Variants in LARP1B observed in about 807,000 individuals in gnomAD.
LARP1B encodes la-related protein 1B.
LARP1B carries 76 observed loss-of-function variants against 114.2 expected under a neutral mutation model. The observed-to-expected ratio is 0.67, with a 90% CI of 0.55 to 0.81. The LOEUF is 0.81. LARP1B is among the 30% of genes least tolerant of loss of function. The pLI, the probability that LARP1B is intolerant of heterozygous loss-of-function variation, is 0.00. For synonymous variants in LARP1B, 345 were observed against 348.0 expected, an observed-to-expected ratio of 0.99 and a Z score of 0.10; for missense variants, 1,014 against 1,075.8, an observed-to-expected ratio of 0.94 and a Z score of 0.80.
At chr4:128,073,591 T>TTGTTTTTTTTTTTTTTTTTTG (rs1300696504) in intron 1 of LARP1B, among the ~76,000 whole-genome samples, 1 of 27,916 alleles carries the variant, frequency 3.6e-5, no homozygotes. Flanking sequence ...TTTTTTTTTT[T>TTGTTTTTTTTTTTTTTTTTTG]TTTTTTTTTT....
intron 15 of LARP1B, among the ~76,000 whole-genome samples, chr4:128,194,682 CAAAAAAAAA>C (rs56843140): frequency 3.9e-5 from 1 of 25,902 alleles, no homozygotes; most frequent in Non-Finnish European, 6.1e-5. Context: ...GACTCTGTCT[CAAAAAAAAA>C]AAAAAAAAAA....
intron 15 of LARP1B, among the ~76,000 whole-genome samples, chr4:128,183,459 T>C (rs1643182328): frequency 6.6e-6 from 1 of 152,240 alleles, no homozygotes; most frequent in Admixed American, 6.5e-5. Flanking sequence ...CAATGTGGGT[T>C]ACTAAATATT....
intron 11 of LARP1B, among the ~76,000 whole-genome samples, chr4:128,154,709 G>T (rs577211959): frequency 6.6e-6 from 1 of 152,200 alleles, no homozygotes; most frequent in South Asian, 2.1e-4. Flanking sequence ...TTACTCTCCT[G>T]TTCTACCTTT....
intron 1 of LARP1B, among the ~76,000 whole-genome samples, chr4:128,067,450 T>A (rs1310736595): frequency 3.9e-5 from 6 of 152,152 alleles, no homozygotes; most frequent in Admixed American, 3.9e-4. Flanking sequence ...AGGACAGAAA[T>A]TATGAATTTT....
At chr4:128,143,805 G>A (rs1729140776) in intron 11 of LARP1B, among the ~76,000 whole-genome samples, 1 of 151,952 alleles carries the variant, frequency 6.6e-6, no homozygotes, top group Admixed American at 6.6e-5. Context: ...GGGTGTGTGT[G>A]TGTGTGTGTG....
chr4:128,075,819 T>C (rs61373286), intron 3 of LARP1B, among the ~76,000 whole-genome samples: 3,643 of 152,314 alleles, frequency 0.024, 130 homozygotes, highest in African/African-American at 0.083. Flanking sequence ...AGTGCTGGGA[T>C]TATAGGCGTT....
intron 11 of LARP1B, among the ~76,000 whole-genome samples, chr4:128,138,152 T>G (rs557596823): frequency 6.6e-6 from 1 of 152,230 alleles, no homozygotes; most frequent in African/African-American, 2.4e-5. Flanking sequence ...ATTAATTATA[T>G]CTAACGCACA....
chr4:128,184,083 G>C (rs753253251), intron 15 of LARP1B, among the ~76,000 whole-genome samples: 36 of 152,186 alleles, frequency 2.4e-4, no homozygotes, highest in Non-Finnish European at 3.8e-4. Context: ...TGAAGATTCT[G>C]TGAACATTGT....
chr4:128,147,367 C>A (rs1241942669), intron 11 of LARP1B, among the ~76,000 whole-genome samples: 1 of 152,142 alleles, frequency 6.6e-6, no homozygotes, highest in Non-Finnish European at 1.5e-5. Context: ...TTTATACATT[C>A]TTTCAAAAAG....
chr4:128,094,033 A>T (rs540929895), intron 7 of LARP1B, among the ~76,000 whole-genome samples: 1 of 149,832 alleles, frequency 6.7e-6, no homozygotes, highest in Non-Finnish European at 1.5e-5. Context: ...AAAACATTTT[A>T]AAAACTTTTT....
intron 5 of LARP1B, among the ~76,000 whole-genome samples, chr4:128,089,487 C>A (rs1285605170): frequency 6.6e-6 from 1 of 151,638 alleles, no homozygotes; most frequent in South Asian, 2.1e-4. Flanking sequence ...CGGCGCCCAC[C>A]ACTATGTCTG....
At chr4:128,195,897 A>C (rs1453706295) in intron 15 of LARP1B, among the ~76,000 whole-genome samples, 2 of 152,212 alleles carry the variant, frequency 1.3e-5, no homozygotes, top group African/African-American at 4.8e-5. Flanking sequence ...AACTAGAATC[A>C]GAAAAACAAA....
At chr4:128,065,257 CTT>C (rs1375633016) in intron 1 of LARP1B, among the ~76,000 whole-genome samples, 1 of 89,022 alleles carries the variant, frequency 1.1e-5, no homozygotes, top group Non-Finnish European at 2.4e-5. Context: ...CAATTAATTT[CTT>C]TCTTTCTTTC....
intron 15 of LARP1B, among the ~76,000 whole-genome samples, chr4:128,197,113 G>C (rs13118088): frequency 0.14 from 20,896 of 152,082 alleles, 1,799 homozygotes; most frequent in Admixed American, 0.22. Context: ...TTTGAGTCTA[G>C]ATAGTGGTGA....
chr4:128,102,191 A>G (rs1368531097), intron 8 of LARP1B, among the ~76,000 whole-genome samples: 1 of 152,214 alleles, frequency 6.6e-6, no homozygotes, highest in Non-Finnish European at 1.5e-5. Flanking sequence ...AATAGTAGGA[A>G]AGGTGTTCTT....
chr4:128,073,572 G>GTTTTTTTTTTTTTTTTTTTTTTTT lies in LARP1B; in HGVS notation c.-77-874_-77-851dup, dbSNP rs568197117. Among the ~76,000 whole-genome samples, 2 of 40,004 alleles carry GTTTTTTTTTTTTTTTTTTTTTTTT rather than the reference G, an allele frequency of 5.0e-5. 1 individual carries two copies. Among genetic ancestry groups the GTTTTTTTTTTTTTTTTTTTTTTTT allele is most frequent in the African/African-American group, 1.7e-4 (2 of 11,438 alleles). The allele number at this position is 40,004 out of a possible 152,430, so 26.2% of individuals were successfully genotyped here. A position where few individuals can be genotyped will look rare whatever the true frequency, so the allele number is the denominator to read the frequency against. ...AATTTTCTCCTGTTATATTGTTGTCGTTTTTTTTTTTTTTTTTTTTTTTTT... is the reference window on the plus strand; with the variant it reads ...AATTTTCTCCTGTTATATTGTTGTCGTTTTTTTTTTTTTTTTTTTTTTTTTTTTTTTTTTTTTTTTTTTTTTTTT... On this transcript the variant is annotated intron_variant, in intron 1 of 19. Transcript: ENST00000326639.
At chr4:128,073,572 GTTTTTTTTTTTTTTTTTTTTTTTTT>G (rs568197117) in intron 1 of LARP1B, among the ~76,000 whole-genome samples, 5 of 40,004 alleles carry the variant, frequency 1.2e-4, no homozygotes, top group African/African-American at 4.4e-4. Context: ...TATTGTTGTC[GTTTTTTTTTTTTTTTTTTTTTTTTT>G]TTTTTTTTTT....
At chr4:128,219,638 A>C (rs1335562054) in intron 6 of LARP1B, among the ~76,000 whole-genome samples, 2 of 110,276 alleles carry the variant, frequency 1.8e-5, no homozygotes, top group Admixed American at 2.1e-4. Flanking sequence ...CACTCTGGGG[A>C]CTGTGGTGGG....
chr4:128,063,400 C>G lies in LARP1B; in HGVS notation c.-78+1999C>G, dbSNP rs1320585944. Among the ~76,000 whole-genome samples the G allele has an allele frequency of 1.9e-3, 216 of 116,682 alleles. 1 individual carries two copies. The highest frequency in any genetic ancestry group is 2.8e-3 in the Admixed American group (28 of 10,050). The allele number at this position is 116,682 out of a possible 152,430, so 76.5% of individuals were successfully genotyped here. On this transcript the variant is annotated intron_variant, in intron 1 of 19. Transcript: ENST00000326639. ...CCGAGATCGCGCCACTGCACTCCAG[C>G]CTGGTCGGCAGAGTGAGACCCACTC...
Sources: allele counts gnomAD v4.1 joint callset (sites outside exome capture counted in the v4.1 genomes callset), GRCh38; gene constraint gnomAD v4.1.1; transcripts MANE v1.5; gene names NCBI Gene and HGNC (gene_info 2026-07-23, HGNC 2026-07-21).